The following DNM3 variants were observed in gnomAD, a reference collection of about 807,000 sequenced individuals.
DNM3 encodes the protein dynamin-3.
DNM3 carries 47 observed loss-of-function variants against 101.6 expected under a neutral mutation model. The observed-to-expected ratio is 0.46, with a 90% confidence interval of 0.37 to 0.59. The LOEUF (loss-of-function observed/expected upper bound fraction) is 0.59, where lower values mean the gene tolerates loss of function less well. Among genes scored for constraint, DNM3 ranks in the 20% least tolerant of loss-of-function variants. DNM3 has a pLI of 0.00. For missense variants in DNM3, 849 were observed against 1,085.7 expected (o/e 0.78, Z 3.06); for synonymous variants, 385 against 387.9 (o/e 0.99, Z 0.09).
At chr1:172,307,172 A>G (rs1320386002) in intron 15 of DNM3, among the ~76,000 whole-genome samples, 1 of 152,200 alleles carries the variant, frequency 6.6e-6, no homozygotes, top group Non-Finnish European at 1.5e-5. Flanking sequence ...AACTTAAACA[A>G]ATTTTACCAG....
intron 13 of DNM3, among the ~76,000 whole-genome samples, chr1:172,128,071 C>G (rs1268550981): frequency 2.0e-5 from 3 of 152,174 alleles, no homozygotes; most frequent in Non-Finnish European, 4.4e-5. Context: ...GCTTTGGCTT[C>G]CATGATCTTA....
At chr1:171,907,679 G>A (rs2125259063) in intron 1 of DNM3, among the ~76,000 whole-genome samples, 1 of 152,176 alleles carries the variant, frequency 6.6e-6, no homozygotes, top group Non-Finnish European at 1.5e-5. Flanking sequence ...TAGCATGCCA[G>A]GCACATGTCT....
chr1:172,025,339 C>G (rs2048128098), intron 4 of DNM3, among the ~76,000 whole-genome samples: 1 of 152,208 alleles, frequency 6.6e-6, no homozygotes, highest in Non-Finnish European at 1.5e-5. Flanking sequence ...CTTCCTAGGA[C>G]AGACCACCTG....
At chr1:172,026,889 G>A (rs1356000085) in intron 4 of DNM3, among the ~76,000 whole-genome samples, 4 of 152,008 alleles carry the variant, frequency 2.6e-5, no homozygotes, top group East Asian at 1.9e-4. Flanking sequence ...TCCTGACCTC[G>A]TGATCCACCC....
chr1:172,349,448 G>A (rs1346022838), intron 17 of DNM3, among the ~76,000 whole-genome samples: 2 of 152,162 alleles, frequency 1.3e-5, no homozygotes, highest in African/African-American at 4.8e-5. Flanking sequence ...AGCTTTTATA[G>A]TCAGAGGGAA....
Position 171,987,651 on chromosome 1 carries a change from T to C in DNM3, c.236-5T>C. On this transcript the variant is annotated splice_region_variant and splice_polypyrimidine_tract_variant and intron_variant, in intron 2 of 20. Coordinates refer to ENST00000627582, the MANE Select transcript of DNM3 (RefSeq NM_015569.5). ...AGTTGTGTCATTTTGGTTTTATTTT[T>C]GTAGAATATGCCGAGTTTCTACATT... The C allele has an allele frequency of 1.3e-6, 2 of 1,558,510 alleles. No homozygotes were observed. Among genetic ancestry groups the C allele is most frequent in the East Asian group, 4.5e-5 (2 of 44,074 alleles).
At position 172,218,582 on chromosome 1, in the gene DNM3, T is replaced by G. The variant is rs545920707; in HGVS notation, c.1660-34991T>G. ...ATATTTTACTATAGAAACGTGGGGG[T>G]TTGTGGTATATGATATATACAAAAT... On this transcript the variant is annotated intron_variant, in intron 14 of 20. Coordinates refer to ENST00000627582, the MANE Select transcript of DNM3 (RefSeq NM_015569.5). 2.1e-3 allele frequency among the ~76,000 whole-genome samples: 325 copies of G among 152,060 alleles called. 1 individual carries two copies. Among genetic ancestry groups the G allele is most frequent in the African/African-American group, 7.7e-3 (318 of 41,492 alleles).
chr1:172,003,699 G>A (rs1437109024), intron 4 of DNM3, among the ~76,000 whole-genome samples: 1 of 151,836 alleles, frequency 6.6e-6, no homozygotes, highest in Non-Finnish European at 1.5e-5. Flanking sequence ...AGGCCTATAT[G>A]TAGATATCTG....
chr1:172,015,688 T>C (rs1242972790), intron 4 of DNM3, among the ~76,000 whole-genome samples: 1 of 152,222 alleles, frequency 6.6e-6, no homozygotes, highest in Non-Finnish European at 1.5e-5. Flanking sequence ...TTGGATTTTC[T>C]ATATACATAA....
chr1:172,173,359 G>T (rs952290164), intron 14 of DNM3, among the ~76,000 whole-genome samples: 1 of 151,644 alleles, frequency 6.6e-6, no homozygotes, highest in Admixed American at 6.6e-5. Flanking sequence ...GAATCTAGAA[G>T]AAGATGCAGG....
chr1:172,006,620 C>T (rs1181165483), intron 4 of DNM3, among the ~76,000 whole-genome samples: 3 of 151,998 alleles, frequency 2.0e-5, no homozygotes, highest in Non-Finnish European at 4.4e-5. Context: ...GGCCAATACC[C>T]TCCACCCCCT....
chr1:172,100,498 C>T (rs983304025), intron 13 of DNM3, among the ~76,000 whole-genome samples: 3 of 152,166 alleles, frequency 2.0e-5, no homozygotes, highest in African/African-American at 7.2e-5. Flanking sequence ...AGATGGATAA[C>T]AAAGATTGCC....
At chr1:171,875,986 T>G (rs1315592788) in intron 1 of DNM3, among the ~76,000 whole-genome samples, 1 of 151,998 alleles carries the variant, frequency 6.6e-6, no homozygotes, top group Non-Finnish European at 1.5e-5. Flanking sequence ...AATTTTTGTA[T>G]TTTTAGTAGA....
intron 14 of DNM3, among the ~76,000 whole-genome samples, chr1:172,214,690 T>C (rs747853836): frequency 2.6e-5 from 4 of 152,132 alleles, no homozygotes; most frequent in Non-Finnish European, 5.9e-5. Context: ...GGGAACAAGC[T>C]AGGATATAAA....
rs898572261 is a variant in DNM3 at position 172,411,250 on chromosome 1, G to A, written c.*3409G>A. On this transcript the variant is annotated 3_prime_UTR_variant, in exon 21 of 21. Coordinates refer to ENST00000627582, the MANE Select transcript of DNM3 (RefSeq NM_015569.5). ...ATAGTTCATTTCTCATAACATATAT[G>A]AGGTATACAAAATTTTCTAACTCCA... The A allele has an allele frequency of 1.0e-6, 1 of 984,992 alleles. No homozygotes were observed. The highest frequency in any genetic ancestry group is 4.7e-5 in the South Asian group (1 of 21,274). 61.0% of individuals were successfully genotyped at this position (984,992 alleles called of 1,614,324 possible). A position where few individuals can be genotyped will look rare whatever the true frequency, so the allele number is the denominator to read the frequency against.
chr1:171,907,589 T>C (rs548544633), intron 1 of DNM3, among the ~76,000 whole-genome samples: 25 of 152,256 alleles, frequency 1.6e-4, no homozygotes, highest in Non-Finnish European at 3.1e-4. Context: ...ACAGAGTTCC[T>C]ACAATGGCTG....
intron 1 of DNM3, among the ~76,000 whole-genome samples, chr1:171,876,764 G>A (rs1431161221): frequency 6.6e-6 from 1 of 152,158 alleles, no homozygotes; most frequent in African/African-American, 2.4e-5. Flanking sequence ...CTGTGTTTGG[G>A]GATGAAAGGT....
intron 1 of DNM3, among the ~76,000 whole-genome samples, chr1:171,874,756 G>C (rs1193441210): frequency 6.6e-6 from 1 of 151,620 alleles, no homozygotes; most frequent in Middle Eastern, 3.2e-3. Flanking sequence ...GAATTATCCT[G>C]TCACCCCGGT....
intron 1 of DNM3, among the ~76,000 whole-genome samples, chr1:171,898,123 A>G (rs1241386153): frequency 1.3e-5 from 2 of 152,146 alleles, no homozygotes; most frequent in Non-Finnish European, 2.9e-5. Flanking sequence ...TACTTTTAAC[A>G]ATCTGGCATT....
Sources: allele counts gnomAD v4.1 joint callset (sites outside exome capture counted in the v4.1 genomes callset), GRCh38; gene constraint gnomAD v4.1.1; transcripts MANE v1.5; gene names NCBI Gene and HGNC (gene_info 2026-07-23, HGNC 2026-07-21).